The following CACNA2D1 variants were observed in gnomAD, a reference collection of about 807,000 sequenced individuals.
CACNA2D1 encodes the protein voltage-dependent calcium channel subunit alpha-2/delta-1.
CACNA2D1 carries 53 observed loss-of-function variants against 171.5 expected under a neutral mutation model. The observed-to-expected ratio is 0.31, with a 90% CI of 0.25 to 0.39. CACNA2D1 has a LOEUF of 0.39. Ranked by LOEUF, CACNA2D1 falls within the 10% of genes least tolerant of loss-of-function variation. CACNA2D1 has a pLI of 1.00. For synonymous variants in CACNA2D1, 442 were observed against 443.1 expected (o/e 1.00, Z 0.03); for missense variants, 903 against 1,299.8 (o/e 0.69, Z 4.69).
chr7:82,423,055 T>C (rs1828862420), intron 1 of CACNA2D1, among the ~76,000 whole-genome samples: 1 of 152,124 alleles, frequency 6.6e-6, no homozygotes, highest in Admixed American at 6.6e-5. Context: ...TAATTGCCTT[T>C]TGCAAGAATA....
chr7:82,020,952 A>T (rs1406936125), intron 12 of CACNA2D1: 2 of 152,146 alleles, frequency 1.3e-5, no homozygotes, highest in South Asian at 4.1e-4. Flanking sequence ...TTGCACACAC[A>T]TTCACAAAGA....
chr7:82,157,987 T>C (rs530089916), intron 4 of CACNA2D1, among the ~76,000 whole-genome samples: 63 of 152,070 alleles, frequency 4.1e-4, no homozygotes, highest in Admixed American at 2.2e-3. Context: ...TGAATAAACA[T>C]ATATGTTTAC....
chr7:81,955,114 T>C (rs2130041042), intron 38 of CACNA2D1, among the ~76,000 whole-genome samples: 1 of 152,254 alleles, frequency 6.6e-6, no homozygotes, highest in South Asian at 2.1e-4. Flanking sequence ...TTCATAAACT[T>C]GTTATCAAAA....
intron 1 of CACNA2D1, among the ~76,000 whole-genome samples, chr7:82,408,120 A>G (rs1313641321): frequency 6.6e-6 from 1 of 150,994 alleles, no homozygotes; most frequent in Non-Finnish European, 1.5e-5. Flanking sequence ...TCCCAGGTTC[A>G]AGCAATTCTT....
chr7:82,153,264 C>G (rs931042944), intron 4 of CACNA2D1, among the ~76,000 whole-genome samples: 1 of 151,856 alleles, frequency 6.6e-6, no homozygotes, highest in African/African-American at 2.4e-5. Context: ...GAGCCTAGCT[C>G]TCTCAGGAAT....
chr7:82,127,783 A>G (rs1024698165), intron 5 of CACNA2D1, among the ~76,000 whole-genome samples: 1 of 152,214 alleles, frequency 6.6e-6, no homozygotes, highest in Non-Finnish European at 1.5e-5. Context: ...TGTTAATATT[A>G]TCTAGGATAA....
chr7:82,114,763 A>G (rs1302804135), intron 6 of CACNA2D1, among the ~76,000 whole-genome samples: 3 of 148,324 alleles, frequency 2.0e-5, no homozygotes, highest in Admixed American at 6.7e-5. Flanking sequence ...CCCAGAAGAA[A>G]AAAAAAAAAA....
At chr7:82,432,273 T>C (rs1829750384) in intron 1 of CACNA2D1, among the ~76,000 whole-genome samples, 1 of 152,138 alleles carries the variant, frequency 6.6e-6, no homozygotes, top group East Asian at 1.9e-4. Context: ...CTAACTCTTC[T>C]TATCTCTTGC....
At chr7:82,335,032 C>T in intron 3 of CACNA2D1, 103 bp downstream of exon 3, 1 of 799,570 alleles carries the variant, frequency 1.3e-6, no homozygotes, top group South Asian at 1.4e-5. Context: ...AACACAGTTA[C>T]TAAGAAGAAG....
intron 10 of CACNA2D1, among the ~76,000 whole-genome samples, chr7:82,043,661 G>A (rs1237169132): frequency 6.6e-6 from 1 of 152,148 alleles, no homozygotes; most frequent in Non-Finnish European, 1.5e-5. Flanking sequence ...TTTTGGTTTT[G>A]TAAAGGCAGT....
chr7:82,146,445 T>C (rs1324085302), intron 4 of CACNA2D1, among the ~76,000 whole-genome samples: 1 of 145,738 alleles, frequency 6.9e-6, no homozygotes, highest in Non-Finnish European at 1.5e-5. Context: ...TATATTTATA[T>C]ATATAAAGAT....
intron 35 of CACNA2D1, 52 bp downstream of exon 35, chr7:81,962,388 A>C: frequency 7.3e-7 from 1 of 1,372,152 alleles, no homozygotes; most frequent in Non-Finnish European, 1.0e-6. Context: ...AGCACATCCC[A>C]AAAGAAAATT....
At chr7:82,001,561 G>T (rs2130834324) in intron 18 of CACNA2D1, 1 of 352,092 alleles carries the variant, frequency 2.8e-6, no homozygotes, top group Non-Finnish European at 5.5e-6. Context: ...TGTCAGGAAA[G>T]GCAGCTTTAA....
intron 10 of CACNA2D1, among the ~76,000 whole-genome samples, chr7:82,057,634 T>C (rs80005763): frequency 0.073 from 11,042 of 152,028 alleles, 425 homozygotes; most frequent in Middle Eastern, 0.18. Context: ...TGGGTGTTGC[T>C]GCTACATAAT....
At chr7:81,952,208 A>G (rs1792686008) in intron 38 of CACNA2D1, among the ~76,000 whole-genome samples, 1 of 151,216 alleles carries the variant, frequency 6.6e-6, no homozygotes, top group South Asian at 2.1e-4. Context: ...AAACATCTTT[A>G]AAGAATCTGC....
Position 82,348,578 on chromosome 7 carries a change from C to A in CACNA2D1, c.177+990G>T, listed in dbSNP as rs1189687628. Among the ~76,000 whole-genome samples, 7 of 151,792 alleles carry A rather than the reference C, an allele frequency of 4.6e-5. No individual in the cohort carries two copies. The East Asian group carries it at 1.4e-3, about 29-fold the overall frequency. ...TATCTCACAGACACTTAGGTTTGTTCAACACTCTCTACAGTTGTTTTATAA... is the reference window on the plus strand; with the variant it reads ...TATCTCACAGACACTTAGGTTTGTTAAACACTCTCTACAGTTGTTTTATAA... On this transcript the variant is annotated intron_variant, in intron 2 of 38. Coordinates refer to ENST00000356860, the MANE Select transcript of CACNA2D1 (RefSeq NM_000722.4).
At chr7:82,245,120 A>G (rs944070378) in intron 3 of CACNA2D1, among the ~76,000 whole-genome samples, 23 of 152,232 alleles carry the variant, frequency 1.5e-4, no homozygotes, top group Admixed American at 5.9e-4. Context: ...CTAACAAAGC[A>G]TAAAGCTTCC....
intron 1 of CACNA2D1, among the ~76,000 whole-genome samples, chr7:82,370,142 C>A (rs1822220057): frequency 6.6e-6 from 1 of 151,918 alleles, no homozygotes; most frequent in African/African-American, 2.4e-5. Context: ...GAAGAATGTT[C>A]ACTCTCAATT....
chr7:82,226,296 A>G (rs1372858670), intron 3 of CACNA2D1, among the ~76,000 whole-genome samples: 7 of 152,278 alleles, frequency 4.6e-5, no homozygotes, highest in African/African-American at 1.2e-4. Context: ...TTGAGGGCTG[A>G]CTCAACTCTG....
Sources: allele counts gnomAD v4.1 joint callset (sites outside exome capture counted in the v4.1 genomes callset), GRCh38; gene constraint gnomAD v4.1.1; transcripts MANE v1.5; gene names NCBI Gene and HGNC (gene_info 2026-07-23, HGNC 2026-07-21).